PTGIS: variants seen among roughly 807,000 people sequenced by gnomAD.
The protein encoded by PTGIS is prostaglandin I2 synthase.
Under a neutral mutation model 50.3 loss-of-function variants are expected in PTGIS, and 45 were observed. That is an observed-to-expected ratio of 0.90 (90% CI 0.70 to 1.15). The LOEUF (loss-of-function observed/expected upper bound fraction) is 1.15, where lower values mean the gene tolerates loss of function less well. Ranked by LOEUF, PTGIS falls within the 50% of genes most tolerant of loss-of-function variation. The pLI, the probability that PTGIS is intolerant of heterozygous loss-of-function variation, is 0.00. For missense variants in PTGIS, 668 were observed against 661.3 expected (o/e 1.01, Z -0.11); for synonymous variants, 260 against 267.7 (o/e 0.97, Z 0.28).
chr20:49,525,073 C>T (rs185177296), intron 5 of PTGIS, among the ~76,000 whole-genome samples: 25 of 152,320 alleles, frequency 1.6e-4, no homozygotes, highest in Admixed American at 1.6e-3. Flanking sequence ...AGGCTCAGCA[C>T]AGCAGCAATC....
chr20:49,522,235 T>C (rs1478598772), intron 6 of PTGIS, among the ~76,000 whole-genome samples: 1 of 152,070 alleles, frequency 6.6e-6, no homozygotes, highest in Admixed American at 6.6e-5. Flanking sequence ...GAATCTTCTA[T>C]CCCCATATCT....
chr20:49,519,484 C>T (rs1158802509), intron 6 of PTGIS, among the ~76,000 whole-genome samples: 2 of 152,072 alleles, frequency 1.3e-5, no homozygotes, highest in African/African-American at 4.8e-5. Context: ...GCTCTCCTCC[C>T]ACCTTCCTGG....
At chr20:49,543,954 G>A (rs576894730) in intron 4 of PTGIS, among the ~76,000 whole-genome samples, 1 of 152,310 alleles carries the variant, frequency 6.6e-6, no homozygotes, top group Admixed American at 6.5e-5. Flanking sequence ...CCAGATAAAA[G>A]GTTAAGGTCC....
rs1210649186 is a variant in PTGIS at position 49,540,504 on chromosome 20, T to C, written c.522-783A>G. Among the ~76,000 whole-genome samples the C allele has an allele frequency of 2.0e-5, 3 of 152,076 alleles. No individual in the cohort carries two copies. Among genetic ancestry groups the C allele is most frequent in the Non-Finnish European group, 4.4e-5 (3 of 67,988 alleles). On this transcript the variant is annotated intron_variant, in intron 4 of 9. Coordinates refer to ENST00000244043, the MANE Select transcript of PTGIS (RefSeq NM_000961.4). This position sits in a 1 kb window ranked among gnomAD's most constrained non-coding sequence, Gnocchi z 4.8. ...ATGGGAGGGCCTGGGCTGTCAGGGC[T>C]GGCCACGCAAGGCAGGCATTTGCAG...
chr20:49,559,448 C>A (rs1475082389), intron 1 of PTGIS, among the ~76,000 whole-genome samples: 1 of 152,204 alleles, frequency 6.6e-6, no homozygotes, highest in Non-Finnish European at 1.5e-5. Flanking sequence ...TAAATTATTT[C>A]TTGCCTGAGA....
intron 5 of PTGIS, among the ~76,000 whole-genome samples, chr20:49,525,916 A>T (rs1210750659): frequency 6.6e-6 from 1 of 151,752 alleles, no homozygotes; most frequent in Non-Finnish European, 1.5e-5. Context: ...TTTTTTTTTT[A>T]AAGTATGTTG....
intron 1 of PTGIS, among the ~76,000 whole-genome samples, chr20:49,562,424 G>A (rs1343073172): frequency 6.6e-6 from 1 of 152,134 alleles, no homozygotes; most frequent in Non-Finnish European, 1.5e-5. Context: ...GAGCCCAGGC[G>A]CCTGACCCCT....
At chr20:49,542,793 A>G (rs1982264151) in intron 4 of PTGIS, among the ~76,000 whole-genome samples, 1 of 152,168 alleles carries the variant, frequency 6.6e-6, no homozygotes, top group South Asian at 2.1e-4. Flanking sequence ...TGTGGCTGAG[A>G]GTGCAGACTC....
At chr20:49,567,224 T>C (rs993600056) in intron 1 of PTGIS, among the ~76,000 whole-genome samples, 1 of 152,180 alleles carries the variant, frequency 6.6e-6, no homozygotes, top group Non-Finnish European at 1.5e-5. Context: ...TAAAAAATAT[T>C]TTATGAAAAG....
At position 49,568,061 on chromosome 20, in the gene PTGIS, A is replaced by G. The variant is rs1982952130; in HGVS notation, c.56T>C (p.Leu19Pro). The stretch of plus-strand genomic sequence containing the variant: ...CACTCACCGCGTGCGGCGGCGGCTC[A>G]GTAGCAGCAGCAGCAACAGTGCGGC... ...LLAALLLLLLLSRRRTRRPGE... is the reference protein window; with the variant it reads ...LLAALLLLLLPSRRRTRRPGE... Residue 19 changes from leucine to proline, a missense_variant, in exon 1 of 10, where the codon CTG becomes CCG. Coordinates refer to ENST00000244043, the MANE Select transcript of PTGIS (RefSeq NM_000961.4). The G allele has an allele frequency of 3.4e-6, 5 of 1,483,502 alleles. No homozygotes were observed. The highest frequency in any genetic ancestry group is 2.9e-5 in the African/African-American group (2 of 68,134). The allele number at this position is 1,483,502 out of a possible 1,614,324, so 91.9% of individuals were successfully genotyped here.
chr20:49,547,954 C>T lies in PTGIS; in HGVS notation c.264G>A (p.Trp88Ter). 6.2e-7 allele frequency: 1 copy of T among 1,614,044 alleles called. No homozygotes were observed. The highest frequency in any genetic ancestry group is 2.2e-5 in the East Asian group (1 of 44,876). ...LDPHSYDAVV[W>*]EPRTRLDFHA... ...GGAAGTCGAGCCTGGTGCGAGGCTC[C>T]CACACCACCGCGTCGTAGGAGTGTG... is the stretch of plus-strand genomic sequence containing the variant. The change falls in exon 3 of 10, where the codon TGG becomes TGA. Residue 88 changes from tryptophan to a stop codon, truncating the protein, a stop_gained. Transcript: ENST00000244043. LOFTEE classifies it high-confidence loss of function.
chr20:49,548,153 C>T (rs930528863), intron 2 of PTGIS, 134 bp from the exon 3 acceptor site: 5 of 827,610 alleles, frequency 6.0e-6, no homozygotes, highest in Non-Finnish European at 1.0e-5. Flanking sequence ...ATCTATGCCT[C>T]ACTACCACCT....
At position 49,504,264 on chromosome 20, in the gene PTGIS, T is replaced by G. The variant is rs1981078825; in HGVS notation, c.*3656A>C. 1 of 152,242 alleles carries G rather than the reference T, an allele frequency of 6.6e-6. No homozygotes were observed. Among genetic ancestry groups the G allele is most frequent in the African/African-American group, 2.4e-5 (1 of 41,462 alleles). The allele number at this position is 152,242 out of a possible 1,614,324, so 9.4% of individuals were successfully genotyped here. A position where few individuals can be genotyped will look rare whatever the true frequency, so the allele number is the denominator to read the frequency against. Reference sequence around the variant, plus strand: ...CGTTTTGTAACAGAGAAGAGAGAGCTCTCAGCCTTGGCCACACCAGCATGG... The same window carrying G: ...CGTTTTGTAACAGAGAAGAGAGAGCGCTCAGCCTTGGCCACACCAGCATGG... On this transcript the variant is annotated 3_prime_UTR_variant, in exon 10 of 10. Coordinates refer to ENST00000244043, the MANE Select transcript of PTGIS (RefSeq NM_000961.4).
chr20:49,508,209 G>A (rs75281292), intron 9 of PTGIS, 145 bp from the exon 10 acceptor site: 16 of 993,762 alleles, frequency 1.6e-5, no homozygotes, highest in East Asian at 5.2e-5. Context: ...TAGAAGAAAC[G>A]CATTTGCTGC....
intron 2 of PTGIS, 140 bp from the exon 3 acceptor site, chr20:49,548,159 C>T: frequency 2.5e-6 from 2 of 795,342 alleles, no homozygotes; most frequent in Non-Finnish European, 4.2e-6. Flanking sequence ...GCCTCACTAC[C>T]ACCTACCACC....
chr20:49,550,324 C>A (rs895073381), intron 1 of PTGIS, 135 bp from the exon 2 acceptor site: 48 of 1,152,334 alleles, frequency 4.2e-5, no homozygotes, highest in Non-Finnish European at 5.2e-5. Flanking sequence ...TATTGCCTCA[C>A]CTGCTCCTTT....
rs540524074 is a variant in PTGIS at position 49,556,591 on chromosome 20, T to A, written c.75-6402A>T. On this transcript the variant is annotated intron_variant, in intron 1 of 9. Transcript: ENST00000244043. ...AAGAGAGAGCTCATATGGCAAATGATCAGTCTTGCTGCATTTTATGAAAAT... is the reference window on the plus strand; with the variant it reads ...AAGAGAGAGCTCATATGGCAAATGAACAGTCTTGCTGCATTTTATGAAAAT... Among the ~76,000 whole-genome samples the A allele has an allele frequency of 3.3e-5, 5 of 152,350 alleles. No homozygotes were observed. In the South Asian group the frequency reaches 1.0e-3, roughly 32 times the overall value.
At chr20:49,526,582 A>T (rs1275725194) in intron 5 of PTGIS, among the ~76,000 whole-genome samples, 1 of 152,242 alleles carries the variant, frequency 6.6e-6, no homozygotes, top group Non-Finnish European at 1.5e-5. Context: ...TATATCTGAT[A>T]AGGGTCTAAC....
rs759950634 is a variant in PTGIS at position 49,552,957 on chromosome 20, TAA to T, written c.75-2770_75-2769del. 2.0e-4 allele frequency among the ~76,000 whole-genome samples: 30 copies of T among 152,198 alleles called. No individual in the cohort carries two copies. In the South Asian group the frequency reaches 2.5e-3, roughly 13 times the overall value. Reference sequence around the variant, plus strand: ...TAATGTTTCACTACAAAAAAATACATAAGAGGTCTAATAAATTGGCTTAAAGA... The same window carrying T: ...TAATGTTTCACTACAAAAAAATACATGAGGTCTAATAAATTGGCTTAAAGA... On this transcript the variant is annotated intron_variant, in intron 1 of 9. Transcript: ENST00000244043.
Sources: allele counts gnomAD v4.1 joint callset (sites outside exome capture counted in the v4.1 genomes callset), GRCh38; gene constraint gnomAD v4.1.1; non-coding constraint Gnocchi (gnomAD v3.1); transcripts MANE v1.5; gene names NCBI Gene and HGNC (gene_info 2026-07-23, HGNC 2026-07-21).